EFL1: variants seen among roughly 807,000 people sequenced by gnomAD.
The protein encoded by EFL1 is elongation factor like GTPase 1.
A neutral mutation model predicts 126.7 loss-of-function variants in EFL1; 76 were observed. The ratio of observed to expected loss-of-function variants is 0.60; its 90% CI spans 0.50 to 0.73. The LOEUF is 0.73. Ranked by LOEUF, EFL1 falls within the 30% of genes least tolerant of loss-of-function variation. The pLI is 0.00. For missense variants in EFL1, 1,128 were observed against 1,343.2 expected (o/e 0.84, Z 2.50); for synonymous variants, 410 against 448.4 (o/e 0.91, Z 1.08).
chr15:82,141,919 AT>A (rs1335462751), intron 18 of EFL1, among the ~76,000 whole-genome samples: 1 of 152,168 alleles, frequency 6.6e-6, no homozygotes, highest in African/African-American at 2.4e-5. Flanking sequence ...GATCCATTCA[AT>A]TTTAATTCCA....
At position 82,229,286 on chromosome 15, in the gene EFL1, C is replaced by T. The variant is rs534062783; in HGVS notation, c.856-176G>A. Among the ~76,000 whole-genome samples, 3 of 152,218 alleles carry T rather than the reference C, an allele frequency of 2.0e-5. No individual in the cohort carries two copies. The South Asian group carries it at 6.2e-4, about 32-fold the overall frequency. On this transcript the variant is annotated intron_variant, in intron 8 of 19. Coordinates refer to ENST00000268206, the MANE Select transcript of EFL1 (RefSeq NM_024580.6). ...CACTAAACAGTCAATAATCCACAATCAATAATAATCCACTGTTCTTTCCTC... is the reference window on the plus strand; with the variant it reads ...CACTAAACAGTCAATAATCCACAATTAATAATAATCCACTGTTCTTTCCTC...
chr15:82,180,396 A>C (rs1314601267), intron 15 of EFL1, among the ~76,000 whole-genome samples: 8 of 150,540 alleles, frequency 5.3e-5, no homozygotes, highest in East Asian at 1.9e-4. Context: ...AACAAAAAAA[A>C]CCAGCCAACC....
chr15:82,181,094 A>G (rs8027301), intron 15 of EFL1, among the ~76,000 whole-genome samples: 29,579 of 152,084 alleles, frequency 0.19, 3,112 homozygotes, highest in South Asian at 0.39. Flanking sequence ...TCTTTCATAA[A>G]AAATATAGAA....
intron 6 of EFL1, among the ~76,000 whole-genome samples, chr15:82,238,725 G>C (rs1218918930): frequency 6.6e-6 from 1 of 152,030 alleles, no homozygotes; most frequent in Non-Finnish European, 1.5e-5. Context: ...TAAATTATAA[G>C]GTTTTTGGAA....
chr15:82,180,369 AAAACAAAAAAAAAACAAAC>A (rs1220823780), intron 15 of EFL1, among the ~76,000 whole-genome samples: 2 of 123,710 alleles, frequency 1.6e-5, no homozygotes, highest in African/African-American at 4.1e-5. Flanking sequence ...CAAAAAAAAA[AAAACAAAAAAAAAACAAAC>A]AAAAAAAACC....
Position 82,151,808 on chromosome 15 carries a change from C to A in EFL1, c.2646G>T (p.Met882Ile), listed in dbSNP as rs1396089916. 6.2e-6 allele frequency: 10 copies of A among 1,614,072 alleles called. No individual in the cohort carries two copies. The highest frequency in any genetic ancestry group is 5.9e-6 in the Non-Finnish European group (7 of 1,180,046). ...AGACACCCATGAGAGGCTCCTCACACATGGGGCCAGAGAGGGTTGCTAGTT... is the reference window on the plus strand; with the variant it reads ...AGACACCCATGAGAGGCTCCTCACAAATGGGGCCAGAGAGGGTTGCTAGTT... The part of the protein sequence containing the change: ...GFQLATLSGP[M>I]CEEPLMGVCF... The change falls in exon 18 of 20, where the codon ATG (methionine) becomes ATT (isoleucine). Residue 882 changes from methionine to isoleucine, a missense_variant. Physicochemically the swap from Met to Ile is conservative, Grantham distance 10. Around this residue, in one of 6 missense-constraint regions of EFL1, gnomAD observed 561 missense variants for 641.7 expected, o/e 0.87. Coordinates refer to ENST00000268206, the MANE Select transcript of EFL1 (RefSeq NM_024580.6).
chr15:82,243,849 G>A lies in EFL1; in HGVS notation c.245-2446C>T, dbSNP rs8025957. Among the ~76,000 whole-genome samples, 142 of 152,216 alleles carry A rather than the reference G, an allele frequency of 9.3e-4. 2 individuals carry two copies. Among genetic ancestry groups the A allele is most frequent in the African/African-American group, 3.3e-3 (138 of 41,464 alleles). Reference sequence around the variant, plus strand: ...ATCTAGAGAGGAACTGAAAGCTAGAGATACACCAAGTGTTTCCACCCGACA... The same window carrying A: ...ATCTAGAGAGGAACTGAAAGCTAGAAATACACCAAGTGTTTCCACCCGACA... On this transcript the variant is annotated intron_variant, in intron 4 of 19. Transcript: ENST00000268206.
intron 18 of EFL1, among the ~76,000 whole-genome samples, chr15:82,140,904 C>T (rs769592254): frequency 6.6e-6 from 1 of 152,168 alleles, no homozygotes; most frequent in Admixed American, 6.5e-5. Context: ...CATTTTCTCC[C>T]AGGGTAGCCC....
At chr15:82,196,743 T>C (rs1379831131) in intron 15 of EFL1, among the ~76,000 whole-genome samples, 2 of 152,236 alleles carry the variant, frequency 1.3e-5, no homozygotes, top group East Asian at 1.9e-4. Context: ...CATTAATAAT[T>C]GTGGCTTCGG....
In EFL1 at chr15:82,259,099, G is replaced by A. The variant is rs1264595307; in HGVS notation, c.148C>T (p.Leu50=). ...ISSNGIISSR[L]AGKLRYMDSR... The stretch of plus-strand genomic sequence containing the variant: ...AAATAATAACATACCTTGCCTGCTA[G>A]GCGGCTGGAGATGATTCCATTGCTA... Residue 50 remains leucine, a synonymous_variant, in exon 3 of 20, where the codon CTA becomes TTA. Coordinates refer to ENST00000268206, the MANE Select transcript of EFL1 (RefSeq NM_024580.6). The A allele has an allele frequency of 1.9e-6, 3 of 1,613,934 alleles. No individual in the cohort carries two copies. The highest frequency in any genetic ancestry group is 2.5e-6 in the Non-Finnish European group (3 of 1,179,930).
At chr15:82,260,382 CT>C (rs1321613828) in intron 2 of EFL1, among the ~76,000 whole-genome samples, 1 of 152,316 alleles carries the variant, frequency 6.6e-6, no homozygotes, top group African/African-American at 2.4e-5. Flanking sequence ...CACTATCTGT[CT>C]TTCTGTCAGT....
intron 17 of EFL1, among the ~76,000 whole-genome samples, chr15:82,153,774 C>T (rs1345307011): frequency 6.6e-6 from 1 of 151,914 alleles, no homozygotes; most frequent in African/African-American, 2.4e-5. Context: ...CTGTTAATAC[C>T]ACATTAAAAA....
At chr15:82,164,754 G>A (rs189460259) in intron 15 of EFL1, among the ~76,000 whole-genome samples, 7 of 152,046 alleles carry the variant, frequency 4.6e-5, no homozygotes, top group African/African-American at 1.7e-4. Flanking sequence ...AAAATTAGCC[G>A]GGCGTGGTGG....
intron 15 of EFL1, among the ~76,000 whole-genome samples, chr15:82,203,269 C>T (rs12443224): frequency 0.68 from 103,340 of 152,194 alleles, 36,785 homozygotes; most frequent in African/African-American, 0.9. Flanking sequence ...TCTCTCAAGA[C>T]AACCATTAAC....
At chr15:82,178,701 G>A (rs966951547) in intron 15 of EFL1, among the ~76,000 whole-genome samples, 1 of 152,166 alleles carries the variant, frequency 6.6e-6, no homozygotes, top group Non-Finnish European at 1.5e-5. Context: ...CCCTTAGGAG[G>A]AATTTCATTC....
At chr15:82,239,721 T>C (rs985307973) in intron 6 of EFL1, among the ~76,000 whole-genome samples, 3 of 152,232 alleles carry the variant, frequency 2.0e-5, no homozygotes, top group Non-Finnish European at 4.4e-5. Flanking sequence ...TGTACTGTGC[T>C]TTTTCTTGCC....
At chr15:82,154,061 CCTT>C (rs1253090236) in intron 17 of EFL1, among the ~76,000 whole-genome samples, 3 of 152,248 alleles carry the variant, frequency 2.0e-5, no homozygotes, top group Middle Eastern at 3.4e-3. Flanking sequence ...CCACTTTAGT[CCTT>C]CTAATTCCTG....
At chr15:82,139,118 T>A (rs1307805601) in intron 18 of EFL1, among the ~76,000 whole-genome samples, 1 of 152,180 alleles carries the variant, frequency 6.6e-6, no homozygotes, top group Non-Finnish European at 1.5e-5. Context: ...AGAAGATTTG[T>A]AAAAGGACCT....
chr15:82,144,038 G>T (rs1481743872), intron 18 of EFL1, among the ~76,000 whole-genome samples: 1 of 152,142 alleles, frequency 6.6e-6, no homozygotes, highest in Non-Finnish European at 1.5e-5. Context: ...CAAGTGTCCA[G>T]GATTTGAGAG....
Sources: allele counts gnomAD v4.1 joint callset (sites outside exome capture counted in the v4.1 genomes callset), GRCh38; gene constraint gnomAD v4.1.1; regional missense constraint gnomAD v4.1.1; transcripts MANE v1.5; gene names NCBI Gene and HGNC (gene_info 2026-07-23, HGNC 2026-07-21).